The following SUMO2 variants were observed in gnomAD, a reference collection of about 807,000 sequenced individuals.
SUMO2 encodes the protein small ubiquitin-related modifier 2.
Under a neutral mutation model 16.0 loss-of-function variants are expected in SUMO2, and 1 was observed. That is an observed-to-expected ratio of 0.06 (90% confidence interval 0.02 to 0.30). SUMO2 has a LOEUF of 0.30. SUMO2 is among the 10% of genes least tolerant of loss of function. The pLI, the probability that SUMO2 is intolerant of heterozygous loss-of-function variation, is 1.00. For missense variants in SUMO2, 16 were observed against 117.5 expected (o/e 0.14, Z 3.99); for synonymous variants, 36 against 40.6 (o/e 0.89, Z 0.43).
intron 2 of SUMO2, among the ~76,000 whole-genome samples, chr17:75,178,192 G>C (rs2074798672): frequency 6.6e-6 from 1 of 151,100 alleles, no homozygotes. Flanking sequence ...TTTTGCAATT[G>C]CAGAAAAGTT....
intron 3 of SUMO2, among the ~76,000 whole-genome samples, chr17:75,172,227 T>C (rs948679677): frequency 1.3e-5 from 2 of 151,948 alleles, no homozygotes; most frequent in East Asian, 3.9e-4. Context: ...AGTTTCGCCA[T>C]GTTGGCCAGG....
intron 2 of SUMO2, among the ~76,000 whole-genome samples, chr17:75,175,616 G>A (rs112424194): frequency 6.0e-5 from 9 of 149,854 alleles, no homozygotes; most frequent in East Asian, 5.9e-4. Flanking sequence ...CACTGTGCCC[G>A]GCCTGTTTGT....
At position 75,168,081 on chromosome 17, in the gene SUMO2, C is replaced by T; in HGVS notation, c.*258G>A. 1 of 324,892 alleles carries T rather than the reference C, an allele frequency of 3.1e-6. No individual in the cohort carries two copies. The highest frequency in any genetic ancestry group is 5.5e-6 in the Non-Finnish European group (1 of 180,286). The allele number at this position is 324,892 out of a possible 1,614,324, so 20.1% of individuals were successfully genotyped here. On this transcript the variant is annotated 3_prime_UTR_variant, in exon 4 of 4. Transcript: ENST00000420826. ...TTTTCACAGAATCAGTATTTTTCCC[C>T]ATCCCGTCTCCACTTGATGTCAATC... is the stretch of plus-strand genomic sequence containing the variant.
intron 2 of SUMO2, among the ~76,000 whole-genome samples, chr17:75,177,047 A>G (rs907289389): frequency 6.6e-6 from 1 of 151,656 alleles, no homozygotes; most frequent in Non-Finnish European, 1.5e-5. Context: ...GCTGAGCACA[A>G]TGGCACACAC....
intron 2 of SUMO2, among the ~76,000 whole-genome samples, chr17:75,177,601 G>A (rs914152898): frequency 1.4e-4 from 22 of 151,958 alleles, no homozygotes; most frequent in African/African-American, 5.1e-4. Context: ...AGAATCACTG[G>A]AACCTGGGAG....
intron 2 of SUMO2, among the ~76,000 whole-genome samples, chr17:75,178,649 G>C (rs1262207431): frequency 6.6e-6 from 1 of 152,084 alleles, no homozygotes; most frequent in Non-Finnish European, 1.5e-5. Context: ...GCTCACTGCA[G>C]CCTAGACCTG....
chr17:75,169,659 A>G (rs2074720270), intron 3 of SUMO2, among the ~76,000 whole-genome samples: 1 of 152,034 alleles, frequency 6.6e-6, no homozygotes, highest in African/African-American at 2.4e-5. Flanking sequence ...CTGGGATTAT[A>G]GGCGTGAACC....
chr17:75,175,349 C>T (rs2074774066), intron 2 of SUMO2, among the ~76,000 whole-genome samples: 1 of 151,148 alleles, frequency 6.6e-6, no homozygotes, highest in Non-Finnish European at 1.5e-5. Flanking sequence ...GAGACAGAGT[C>T]TTGCTCTGTC....
In SUMO2 at chr17:75,174,625, T is replaced by C. The variant is rs115187580; in HGVS notation, c.225+127A>G. 2,830 of 730,082 alleles carry C rather than the reference T, an allele frequency of 3.9e-3. 57 individuals carry two copies. In the African/African-American group the frequency reaches 0.045, roughly 12 times the overall value. 45.2% of individuals were successfully genotyped at this position (730,082 alleles called of 1,614,324 possible). A position where few individuals can be genotyped will look rare whatever the true frequency, so the allele number is the denominator to read the frequency against. Reference sequence around the variant, plus strand: ...TATTTTCCTTTCTGTTCCCCTCTGGTCATACTTCCCAAAGCTCTGAACTCT... The same window carrying C: ...TATTTTCCTTTCTGTTCCCCTCTGGCCATACTTCCCAAAGCTCTGAACTCT... On this transcript the variant is annotated intron_variant, in intron 3 of 3. Transcript: ENST00000420826.
At chr17:75,181,532 G>A (rs1156685728) in intron 1 of SUMO2, among the ~76,000 whole-genome samples, 1 of 152,032 alleles carries the variant, frequency 6.6e-6, no homozygotes, top group Non-Finnish European at 1.5e-5. Context: ...CCCCAAAAAA[G>A]TTAAAAATAG....
rs768119121 is a variant in SUMO2, at chr17:75,174,821, T to C, written c.156A>G (p.Gly52=). The part of the protein sequence containing the change: ...KLMKAYCERQ[G]LSMRQIRFRF... ...GGAATCTGATCTGCCTCATTGACAA[T>C]CCCTGAACGAGAATTTAAAAGCAAT... Residue 52 remains glycine (G), a splice_region_variant and synonymous_variant, in exon 3 of 4, where the codon GGA becomes GGG. Coordinates refer to ENST00000420826, the MANE Select transcript of SUMO2 (RefSeq NM_006937.4). 11 of 1,612,932 alleles carry C rather than the reference T, an allele frequency of 6.8e-6. No homozygotes were observed. The Admixed American group carries it at 1.7e-4, about 25-fold the overall frequency.
intron 2 of SUMO2, among the ~76,000 whole-genome samples, chr17:75,177,988 CAAAAAAAAAAA>C (rs59613076): frequency 1.5e-4 from 10 of 66,400 alleles, no homozygotes; most frequent in African/African-American, 6.1e-4. Flanking sequence ...GACTCCGTCT[CAAAAAAAAAAA>C]AAAAAAAAAA....
At chr17:75,176,048 T>A (rs562768992) in intron 2 of SUMO2, among the ~76,000 whole-genome samples, 131 of 143,472 alleles carry the variant, frequency 9.1e-4, no homozygotes, top group Non-Finnish European at 8.7e-4. Context: ...GGAAATGAAA[T>A]TTTTTTTTTT....
chr17:75,169,509 G>A (rs1007821009), intron 3 of SUMO2, among the ~76,000 whole-genome samples: 6 of 149,484 alleles, frequency 4.0e-5, no homozygotes, highest in East Asian at 2.0e-4. Flanking sequence ...TCAGCCTCCC[G>A]AGTAGCTGGG....
chr17:75,169,838 G>A (rs2145215853), intron 3 of SUMO2, among the ~76,000 whole-genome samples: 1 of 109,400 alleles, frequency 9.1e-6, no homozygotes, highest in East Asian at 3.3e-4. Flanking sequence ...GACAGAGTGA[G>A]ACTTGGTCTC....
At chr17:75,182,758 G>GC in intron 1 of SUMO2, 56 bp downstream of exon 1, 1 of 1,274,650 alleles carries the variant, frequency 7.8e-7, no homozygotes, top group Non-Finnish European at 1.0e-6. Context: ...CCGGACCCCG[G>GC]CCCGCGCCAT....
At chr17:75,168,746 G>A (rs766325839) in intron 3 of SUMO2, among the ~76,000 whole-genome samples, 5 of 152,032 alleles carry the variant, frequency 3.3e-5, no homozygotes, top group Admixed American at 6.6e-5. Flanking sequence ...GAGATTACAG[G>A]CATCCGCCAC....
intron 2 of SUMO2, among the ~76,000 whole-genome samples, 170 bp from the exon 3 acceptor site, chr17:75,174,993 C>CT (rs938376354): frequency 2.3e-4 from 35 of 151,926 alleles, no homozygotes; most frequent in African/African-American, 4.3e-4. Context: ...TTTTCATTTT[C>CT]TTTTTTTTGA....
intron 2 of SUMO2, 131 bp from the exon 3 acceptor site, chr17:75,174,954 T>G: frequency 8.2e-4 from 544 of 663,358 alleles, no homozygotes; most frequent in Non-Finnish European, 1.2e-3. Flanking sequence ...CATGTTAACA[T>G]ACCCTATAGG....
Sources: allele counts gnomAD v4.1 joint callset (sites outside exome capture counted in the v4.1 genomes callset), GRCh38; gene constraint gnomAD v4.1.1; transcripts MANE v1.5; gene names NCBI Gene and HGNC (gene_info 2026-07-23, HGNC 2026-07-21).